Variants in TJP1 observed in about 807,000 individuals in gnomAD.
TJP1 encodes tight junction protein 1, also known as tight junction protein ZO-1.
A neutral mutation model predicts 194.2 loss-of-function variants in TJP1; 43 were observed. The ratio of observed to expected loss-of-function variants is 0.22; its 90% confidence interval spans 0.17 to 0.29. The LOEUF (loss-of-function observed/expected upper bound fraction) is 0.29. Ranked by LOEUF, TJP1 falls within the 10% of genes least tolerant of loss-of-function variation. TJP1 has a pLI of 1.00. For synonymous variants in TJP1, 801 were observed against 779.0 expected, an observed-to-expected ratio of 1.03 and a Z score of -0.47; for missense variants, 1,971 against 2,185.7, an observed-to-expected ratio of 0.90 and a Z score of 1.96.
chr15:29,715,610 G>C (rs192821437), intron 23 of TJP1, among the ~76,000 whole-genome samples: 1 of 152,314 alleles, frequency 6.6e-6, no homozygotes, highest in East Asian at 1.9e-4. Flanking sequence ...AATACTATGT[G>C]TGATGAATTC....
chr15:29,908,048 CA>C (rs1156724424), intron 2 of TJP1, among the ~76,000 whole-genome samples: 17 of 19,498 alleles, frequency 8.7e-4, no homozygotes, highest in Non-Finnish European at 1.2e-3. Flanking sequence ...CCTTATAAAG[CA>C]AAAAAAAAAA....
chr15:29,773,477 T>A, intron 2 of TJP1, 120 bp from the exon 3 acceptor site: 1 of 945,462 alleles, frequency 1.1e-6, no homozygotes, highest in Non-Finnish European at 1.6e-6. Flanking sequence ...CTGTGATCCA[T>A]AAACACTCAC....
intron 1 of TJP1, among the ~76,000 whole-genome samples, chr15:29,966,578 T>C (rs946474297): frequency 1.3e-5 from 2 of 152,138 alleles, no homozygotes; most frequent in Admixed American, 1.3e-4. Flanking sequence ...AACATATTAT[T>C]TCCCAATCAC....
At chr15:29,938,922 A>G (rs1294007219) in intron 2 of TJP1, among the ~76,000 whole-genome samples, 1 of 152,258 alleles carries the variant, frequency 6.6e-6, no homozygotes, top group East Asian at 1.9e-4. Flanking sequence ...AGTCTTGCAC[A>G]GCTGGCCAGC....
Position 29,762,329 on chromosome 15 carries a change from T to C in TJP1, c.693+6A>G. The C allele has an allele frequency of 6.2e-7, 1 of 1,605,650 alleles. No homozygotes were observed. The highest frequency in any genetic ancestry group is 8.5e-7 in the Non-Finnish European group (1 of 1,173,660). On this transcript the variant is annotated splice_donor_region_variant and intron_variant, in intron 6 of 27. Transcript: ENST00000614355. ...AGTTCATTAAAAAGTAAGAATATGATTATACCTTCAATACAACATCACCTT... is the reference window on the plus strand; with the variant it reads ...AGTTCATTAAAAAGTAAGAATATGACTATACCTTCAATACAACATCACCTT...
chr15:29,743,383 A>G (rs1305318560), intron 8 of TJP1, among the ~76,000 whole-genome samples: 1 of 152,210 alleles, frequency 6.6e-6, no homozygotes, highest in East Asian at 1.9e-4. Flanking sequence ...ACTAAATACA[A>G]ATGTTGACTA....
Position 29,708,765 on chromosome 15 carries a change from G to C in TJP1, c.4644C>G (p.Phe1548Leu), listed in dbSNP as rs867121081. Residue 1548 changes from phenylalanine to leucine, a missense_variant, in exon 25 of 28, where the codon TTC becomes TTG. By Grantham distance (22) the Phe-to-Leu change is conservative (BLOSUM62 0). Coordinates refer to ENST00000614355, the MANE Select transcript of TJP1 (RefSeq NM_001330239.4). ...TTTCACTTGGCAGAAGATTGTGATTGAATTTAGGACTTTCAAACTTGCGTT... is the reference window on the plus strand; with the variant it reads ...TTTCACTTGGCAGAAGATTGTGATTCAATTTAGGACTTTCAAACTTGCGTT... ...PFERKFESPK[F>L]NHNLLPSETA... 2.5e-6 allele frequency: 4 copies of C among 1,614,106 alleles called. No homozygotes were observed. The highest frequency in any genetic ancestry group is 3.4e-6 in the Non-Finnish European group (4 of 1,180,056).
rs1295691713 is a variant in TJP1 at position 29,906,447 on chromosome 15, G to A, written c.306+49785C>T. Among the ~76,000 whole-genome samples, 10 of 144,152 alleles carry A rather than the reference G, an allele frequency of 6.9e-5. No individual in the cohort carries two copies. In the East Asian group the frequency reaches 1.2e-3, roughly 18 times the overall value. 94.6% of individuals were successfully genotyped at this position (144,152 alleles called of 152,430 possible). A position where few individuals can be genotyped will look rare whatever the true frequency, so the allele number is the denominator to read the frequency against. On this transcript the variant is annotated intron_variant, in intron 2 of 28. Transcript: ENST00000356107. ...CGCACCATTGCACTCCAGCCTGGGC[G>A]ATAGAGCGAGACTCCGTCTCAAAAT...
chr15:29,726,932 C>T lies in TJP1; in HGVS notation c.2160G>A (p.Gln720=). ...TAAGAAATACAACAATTGGATACCACTGGGCATAGTTAAGACGATCAACTG... is the reference window on the plus strand; with the variant it reads ...TAAGAAATACAACAATTGGATACCATTGGGCATAGTTAAGACGATCAACTG... ...PNAVDRLNYA[Q]WYPIVVFLNP... Residue 720 remains glutamine (Q), a synonymous_variant, in exon 17 of 28, where the codon CAG becomes CAA. Coordinates refer to ENST00000614355, the MANE Select transcript of TJP1 (RefSeq NM_001330239.4). 1 of 1,614,188 alleles carries T rather than the reference C, an allele frequency of 6.2e-7. No homozygotes were observed. Among genetic ancestry groups the T allele is most frequent in the Non-Finnish European group, 8.5e-7 (1 of 1,180,042 alleles).
Position 29,718,605 on chromosome 15 carries a change from A to C in TJP1, c.3537T>G (p.Pro1179=). The change falls in exon 21 of 28, where the codon CCT becomes CCG. Residue 1179 remains proline (P), a synonymous_variant. Transcript: ENST00000614355. ...ACTCTGCAGGCTTGGGCCCTGCTGA[A>C]GGGTGGGGCTGGGCTTCCGGTCTGA... ...GRLRPEAQPH[P]SAGPKPAESK... 6.2e-7 allele frequency: 1 copy of C among 1,614,190 alleles called. No individual in the cohort carries two copies. Among genetic ancestry groups the C allele is most frequent in the Non-Finnish European group, 8.5e-7 (1 of 1,180,030 alleles).
At chr15:29,879,128 AAAT>A (rs1277780992) in intron 2 of TJP1, among the ~76,000 whole-genome samples, 4 of 152,144 alleles carry the variant, frequency 2.6e-5, no homozygotes, top group African/African-American at 7.2e-5. Flanking sequence ...CGTCTCAAAA[AAAT>A]AATAATAAAA....
chr15:29,765,723 C>T (rs2046291011), intron 5 of TJP1, among the ~76,000 whole-genome samples: 2 of 152,090 alleles, frequency 1.3e-5, no homozygotes, highest in Non-Finnish European at 2.9e-5. Flanking sequence ...AAAACCCTGT[C>T]TCTACCCAAA....
At chr15:29,960,512 A>G (rs2056115191) in intron 1 of TJP1, among the ~76,000 whole-genome samples, 1 of 151,826 alleles carries the variant, frequency 6.6e-6, no homozygotes, top group Admixed American at 6.6e-5. Context: ...GCACATGCCT[A>G]TGGGTCCCAA....
At chr15:29,802,974 T>C (rs148908250) in intron 1 of TJP1, among the ~76,000 whole-genome samples, 50 of 152,284 alleles carry the variant, frequency 3.3e-4, no homozygotes, top group Non-Finnish European at 6.0e-4. Context: ...AAGAAGATGT[T>C]AATCAAATGG....
At chr15:29,752,082 C>A (rs529104256) in intron 8 of TJP1, among the ~76,000 whole-genome samples, 1 of 151,798 alleles carries the variant, frequency 6.6e-6, no homozygotes, top group Non-Finnish European at 1.5e-5. Flanking sequence ...ATGTGCACCA[C>A]CACGCCCGGC....
chr15:29,962,581 C>T (rs2056198689), intron 1 of TJP1, among the ~76,000 whole-genome samples: 2 of 152,152 alleles, frequency 1.3e-5, no homozygotes, highest in Admixed American at 1.3e-4. Context: ...AAAGCTGTCC[C>T]CTTCCTCCAC....
chr15:29,752,585 T>C (rs1329867895), intron 8 of TJP1, among the ~76,000 whole-genome samples: 1 of 152,066 alleles, frequency 6.6e-6, no homozygotes, highest in Admixed American at 6.6e-5. Flanking sequence ...TTTTGGCCCC[T>C]CACAAAAGCA....
chr15:29,774,141 T>C (rs2046865097), intron 2 of TJP1, among the ~76,000 whole-genome samples: 1 of 152,166 alleles, frequency 6.6e-6, no homozygotes, highest in Non-Finnish European at 1.5e-5. Context: ...TACAGAATCA[T>C]TAAGCCAGAA....
chr15:29,718,829 G>A lies in TJP1; in HGVS notation c.3313C>T (p.Pro1105Ser), dbSNP rs372441382. 2.6e-5 allele frequency: 42 copies of A among 1,614,194 alleles called. No individual in the cohort carries two copies. Among genetic ancestry groups the A allele is most frequent in the African/African-American group, 2.3e-4 (17 of 75,050 alleles). Residue 1105 changes from proline (P) to serine (S), a missense_variant, in exon 21 of 28, where the codon CCT becomes TCT. By Grantham distance (74) the Pro-to-Ser change is moderately conservative (BLOSUM62 -1). Around this residue, in one of 5 missense-constraint regions of TJP1, gnomAD observed 1,108 missense variants for 1,128.5 expected, o/e 0.98. Transcript: ENST00000614355. ...TCTTGAGAGTGCTGATTATCAAAAG[G>A]TGGCCGAGATGGGTAGGGCTGTTTG... is the stretch of plus-strand genomic sequence containing the variant. ...DDKQPYPSRP[P>S]FDNQHSQDLD...
Sources: allele counts gnomAD v4.1 joint callset (sites outside exome capture counted in the v4.1 genomes callset), GRCh38; gene constraint gnomAD v4.1.1; regional missense constraint gnomAD v4.1.1; transcripts MANE v1.5; gene names NCBI Gene and HGNC (gene_info 2026-07-23, HGNC 2026-07-21).